PCMT1: variants seen among roughly 807,000 people sequenced by gnomAD.
The protein encoded by PCMT1 is protein-L-isoaspartate (D-aspartate) O-methyltransferase.
Under a neutral mutation model 29.2 loss-of-function variants are expected in PCMT1, and 9 were observed. The ratio of observed to expected loss-of-function variants is 0.31; its 90% CI spans 0.19 to 0.54. PCMT1 has a LOEUF of 0.54. Ranked by LOEUF, PCMT1 falls within the 20% of genes least tolerant of loss-of-function variation. The pLI is 0.95. For synonymous variants in PCMT1, 98 were observed against 97.5 expected, an observed-to-expected ratio of 1.00 and a Z score of -0.03; for missense variants, 184 against 282.2, an observed-to-expected ratio of 0.65 and a Z score of 2.49.
intron 1 of PCMT1, among the ~76,000 whole-genome samples, chr6:149,756,550 A>G (rs1786519379): frequency 2.1e-5 from 2 of 93,910 alleles, no homozygotes; most frequent in South Asian, 3.6e-4. Context: ...TTTTTGGTAG[A>G]GACGGGGTTT....
intron 1 of PCMT1, among the ~76,000 whole-genome samples, chr6:149,762,751 GATATATATACCTATGAT>G (rs1343972330): frequency 2.4e-5 from 1 of 40,838 alleles, no homozygotes; most frequent in Non-Finnish European, 3.3e-5. Flanking sequence ...ATATATCTAT[GATATATATACCTATGAT>G]ATATATATAC....
chr6:149,786,660 T>C (rs182758534), intron 3 of PCMT1, among the ~76,000 whole-genome samples: 2,927 of 142,696 alleles, frequency 0.021, 25 homozygotes, highest in Non-Finnish European at 0.033. Context: ...GCAGAGACGC[T>C]CCTCACCTCC....
chr6:149,809,277 A>G (rs1426024759), intron 7 of PCMT1, among the ~76,000 whole-genome samples: 8 of 150,278 alleles, frequency 5.3e-5, no homozygotes, highest in Admixed American at 2.0e-4. Flanking sequence ...AAAAAAAAAA[A>G]AAAAGCCAAA....
At chr6:149,800,405 G>T (rs972285217) in intron 6 of PCMT1, among the ~76,000 whole-genome samples, 4 of 152,104 alleles carry the variant, frequency 2.6e-5, no homozygotes, top group African/African-American at 9.7e-5. Context: ...GGAGGCGGAG[G>T]TTGCAGTGAG....
At position 149,759,919 on chromosome 6, in the gene PCMT1, T is replaced by C. The variant is rs1034258698; in HGVS notation, c.55+9963T>C. On this transcript the variant is annotated intron_variant, in intron 1 of 7. Transcript: ENST00000464889. ...AATAATCACTGATTCTTTCAGACTGTCATCAGATTAACTCAGCAGTTCTTA... is the reference window on the plus strand; with the variant it reads ...AATAATCACTGATTCTTTCAGACTGCCATCAGATTAACTCAGCAGTTCTTA... 2.0e-5 allele frequency among the ~76,000 whole-genome samples: 3 copies of C among 152,344 alleles called. No homozygotes were observed. In the South Asian group the frequency reaches 6.2e-4, roughly 32 times the overall value.
rs549744334 is a variant in PCMT1, at chr6:149,767,994, A to G, written c.56-3168A>G. ...TTTTTAGTAGAGATAGGGTTTCGCC[A>G]TGTTGGCCAGGCTGGTCTTAAACTC... On this transcript the variant is annotated intron_variant, in intron 1 of 7. Transcript: ENST00000464889. 4.9e-5 allele frequency among the ~76,000 whole-genome samples: 6 copies of G among 121,464 alleles called. No individual in the cohort carries two copies. The South Asian group carries it at 1.6e-3, about 32-fold the overall frequency. The allele number at this position is 121,464 out of a possible 152,430, so 79.7% of individuals were successfully genotyped here.
At chr6:149,782,558 T>G (rs149467545) in intron 3 of PCMT1, among the ~76,000 whole-genome samples, 1 of 152,180 alleles carries the variant, frequency 6.6e-6, no homozygotes, top group Non-Finnish European at 1.5e-5. Context: ...AAGTGCTCCT[T>G]GGAGTAGTGA....
intron 1 of PCMT1, chr6:149,765,649 A>T (rs1047591973): frequency 3.7e-5 from 14 of 373,766 alleles, no homozygotes; most frequent in African/African-American, 3.1e-4. Flanking sequence ...AATTGACCTT[A>T]TTTTTTTATT....
intron 7 of PCMT1, among the ~76,000 whole-genome samples, chr6:149,809,700 C>T (rs926662130): frequency 4.0e-5 from 6 of 151,830 alleles, no homozygotes; most frequent in South Asian, 4.2e-4. Flanking sequence ...TTTTTATTGC[C>T]AACAAGTTGC....
At chr6:149,794,686 T>C in intron 5 of PCMT1, 1 of 386,010 alleles carries the variant, frequency 2.6e-6, no homozygotes, top group Non-Finnish European at 5.1e-6. Flanking sequence ...TAGAGGGATC[T>C]GGCTGAGGAG....
intron 4 of PCMT1, 135 bp from the exon 5 acceptor site, chr6:149,793,414 A>G: frequency 1.8e-6 from 1 of 557,666 alleles, no homozygotes; most frequent in Non-Finnish European, 2.7e-6. Flanking sequence ...CTGAGTGTTT[A>G]GCAATCTATA....
intron 1 of PCMT1, among the ~76,000 whole-genome samples, chr6:149,756,944 CAG>C (rs1304079420): frequency 1.3e-5 from 2 of 151,904 alleles, no homozygotes; most frequent in African/African-American, 4.8e-5. Context: ...CACCTGAGGT[CAG>C]GGGTACCAGA....
At chr6:149,786,003 A>G (rs1393330869) in intron 3 of PCMT1, among the ~76,000 whole-genome samples, 1 of 142,676 alleles carries the variant, frequency 7.0e-6, no homozygotes, top group Non-Finnish European at 1.5e-5. Context: ...GGCGCCCCTC[A>G]CCTCCCGGAC....
chr6:149,771,129 CTCTT>C (rs1787305062), intron 1 of PCMT1, 29 bp from the exon 2 acceptor site: 2 of 1,213,684 alleles, frequency 1.6e-6, no homozygotes, highest in Non-Finnish European at 2.4e-6. Flanking sequence ...TCATGTCTCT[CTCTT>C]CTGAAAATAT....
chr6:149,773,177 A>C lies in PCMT1; in HGVS notation c.192+8A>C. 1 of 1,604,334 alleles carries C rather than the reference A, an allele frequency of 6.2e-7. No homozygotes were observed. Among genetic ancestry groups the C allele is most frequent in the Non-Finnish European group, 8.5e-7 (1 of 1,172,546 alleles). ...ATCAGTGCTCCACACATGGTAAGTT[A>C]AGTTTGTTCACTTGGTTACAAATGG... On this transcript the variant is annotated splice_region_variant and intron_variant, in intron 3 of 7. Transcript: ENST00000464889.
chr6:149,774,257 T>TTTTTC (rs1183992885), intron 3 of PCMT1, among the ~76,000 whole-genome samples: 2 of 150,266 alleles, frequency 1.3e-5, no homozygotes, highest in African/African-American at 2.5e-5. Flanking sequence ...TTTTTTTTTT[T>TTTTTC]GAGATGGAGT....
intron 4 of PCMT1, among the ~76,000 whole-genome samples, chr6:149,790,889 C>A (rs924622220): frequency 6.6e-6 from 1 of 152,122 alleles, no homozygotes; most frequent in Non-Finnish European, 1.5e-5. Context: ...CACCTGCAGT[C>A]CCAGCTATTC....
At chr6:149,806,691 G>A (rs1171890964) in intron 7 of PCMT1, among the ~76,000 whole-genome samples, 1 of 152,114 alleles carries the variant, frequency 6.6e-6, no homozygotes, top group Non-Finnish European at 1.5e-5. Flanking sequence ...CTGGGCTCAA[G>A]CGATCCCCCC....
intron 1 of PCMT1, among the ~76,000 whole-genome samples, chr6:149,758,208 C>CTTTTTTTTTTT (rs756014067): frequency 4.1e-5 from 3 of 73,910 alleles, no homozygotes; most frequent in African/African-American, 1.6e-4. Context: ...TTCTTTCTTT[C>CTTTTTTTTTTT]TTTTTTTTTT....
Sources: allele counts gnomAD v4.1 joint callset (sites outside exome capture counted in the v4.1 genomes callset), GRCh38; gene constraint gnomAD v4.1.1; transcripts MANE v1.5; gene names NCBI Gene and HGNC (gene_info 2026-07-23, HGNC 2026-07-21).